The following FOCAD variants were observed in gnomAD, a reference collection of about 807,000 sequenced individuals.
FOCAD encodes the protein KIAA1797.
Under a neutral mutation model 225.6 loss-of-function variants are expected in FOCAD, and 198 were observed. That is an observed-to-expected ratio of 0.88 (90% CI 0.78 to 0.99). The LOEUF (loss-of-function observed/expected upper bound fraction) is 0.99, where lower values mean the gene tolerates loss of function less well. Among genes scored for constraint, FOCAD ranks in the 50% least tolerant of loss-of-function variants. The probability of loss-of-function intolerance (pLI) is 0.00; values close to 1 mark genes in which losing one functional copy is unlikely to be tolerated. For synonymous variants in FOCAD, 897 were observed against 755.0 expected (o/e 1.19, Z -3.08); for missense variants, 2,713 against 2,123.6 (o/e 1.28, Z -5.46).
Position 20,993,306 on chromosome 9 carries a change from A to T in FOCAD, c.5310A>T (p.Ala1770=), listed in dbSNP as rs760935674. The T allele has an allele frequency of 5.6e-6, 9 of 1,613,832 alleles. No individual in the cohort carries two copies. The highest frequency in any genetic ancestry group is 1.3e-5 in the African/African-American group (1 of 74,928). ...AAAGCCCTAAAGAAGCCCTCTCAGC[A>T]CAGTCCAGGGATCTTTTGAAAGGTA... ...IMESPKEALS[A]QSRDLLKATL... The change falls in exon 43 of 44, where the codon GCA becomes GCT. Residue 1770 remains alanine (A), a synonymous_variant. Coordinates refer to ENST00000338382, the MANE Select transcript of FOCAD (RefSeq NM_001375567.1).
intron 2 of FOCAD, among the ~76,000 whole-genome samples, chr9:20,674,416 CT>C (rs1244731715): frequency 6.6e-6 from 1 of 152,168 alleles, no homozygotes; most frequent in African/African-American, 2.4e-5. Flanking sequence ...AGCTTCTCCC[CT>C]ATCTCTTTCC....
rs147354784 is a variant in FOCAD, at chr9:20,732,082, T to A, written c.288-8154T>A. Among the ~76,000 whole-genome samples, 262 of 152,302 alleles carry A rather than the reference T, an allele frequency of 1.7e-3. 3 individuals carry two copies. In the East Asian group the frequency reaches 0.042, roughly 25 times the overall value. Reference sequence around the variant, plus strand: ...GGTATTAAGCCCAGCATGCATTAACTCTTTTCCCTAATGCTCTCCTGAGTA... The same window carrying A: ...GGTATTAAGCCCAGCATGCATTAACACTTTTCCCTAATGCTCTCCTGAGTA... On this transcript the variant is annotated intron_variant, in intron 4 of 43. Transcript: ENST00000338382.
chr9:20,740,427 G>A, intron 5 of FOCAD, 87 bp downstream of exon 5: 1 of 785,526 alleles, frequency 1.3e-6, no homozygotes, highest in Non-Finnish European at 2.1e-6. Context: ...GTAAGAATTA[G>A]TTATTTAATT....
At chr9:20,656,844 C>T (rs904162282), upstream of FOCAD, among the ~76,000 whole-genome samples, 15 of 152,174 alleles carry the variant, frequency 9.9e-5, no homozygotes, top group African/African-American at 2.9e-4. Flanking sequence ...TTATTCTGCT[C>T]GTTAGTTGAT....
rs768920262 is a variant in FOCAD at position 20,948,270 on chromosome 9, G to A, written c.3676-1G>A. The A allele has an allele frequency of 6.3e-7, 1 of 1,599,546 alleles. No homozygotes were observed. Among genetic ancestry groups the A allele is most frequent in the Non-Finnish European group, 8.5e-7 (1 of 1,173,288 alleles). On this transcript the variant is annotated splice_acceptor_variant, in intron 30 of 43. Coordinates refer to ENST00000338382, the MANE Select transcript of FOCAD (RefSeq NM_001375567.1). LOFTEE classifies it high-confidence loss of function. ...ACCCCATTTTTATTTATTTATATCA[G>A]ACTTCAGGTTTTGCCCTGGCTTTAG...
chr9:20,869,576 A>G (rs1462262274), intron 18 of FOCAD, among the ~76,000 whole-genome samples: 1 of 152,174 alleles, frequency 6.6e-6, no homozygotes, highest in Non-Finnish European at 1.5e-5. Context: ...CAGTACATTT[A>G]AGGTAATGTA....
At chr9:20,834,480 A>G (rs903218250) in intron 15 of FOCAD, among the ~76,000 whole-genome samples, 2 of 152,102 alleles carry the variant, frequency 1.3e-5, no homozygotes, top group Non-Finnish European at 2.9e-5. Flanking sequence ...AACAACTCGA[A>G]TAACCATTAT....
upstream of FOCAD, among the ~76,000 whole-genome samples, chr9:20,656,915 C>T (rs1412877820): frequency 6.6e-6 from 1 of 151,684 alleles, no homozygotes; most frequent in Admixed American, 6.6e-5. Context: ...GCGGCTGGTA[C>T]CGGTTGTTCC....
At position 20,933,957 on chromosome 9, in the gene FOCAD, A is replaced by G. The variant is rs1301678164; in HGVS notation, c.3407+854A>G. Among the ~76,000 whole-genome samples, 5 of 152,160 alleles carry G rather than the reference A, an allele frequency of 3.3e-5. 1 individual carries two copies. The highest frequency in any genetic ancestry group is 3.3e-4 in the Admixed American group (5 of 15,290). ...TTTGATTTGCATTTCTCTGATCATT[A>G]GTGATGTTGAGCATTTTTTTATACA... On this transcript the variant is annotated intron_variant, in intron 28 of 43. Transcript: ENST00000338382.
chr9:20,815,123 G>GTGTGTTTTTT (rs1564024181), intron 11 of FOCAD, among the ~76,000 whole-genome samples: 3 of 85,396 alleles, frequency 3.5e-5, no homozygotes, highest in Non-Finnish European at 2.2e-5. Flanking sequence ...ACTTCTCTTT[G>GTGTGTTTTTT]TTTTTTTTTT....
chr9:20,907,161 G>C lies in FOCAD; in HGVS notation c.2637G>C (p.Gln879His). The change falls in exon 22 of 44, where the codon CAG becomes CAC. Residue 879 changes from glutamine (Q) to histidine (H), a missense_variant. Coordinates refer to ENST00000338382, the MANE Select transcript of FOCAD (RefSeq NM_001375567.1). ...SLALVHEVHIQLSEWHRAIFL... is the reference protein window; with the variant it reads ...SLALVHEVHIHLSEWHRAIFL... ...CATTTTTCCCATAGGTTCATATCCA[G>C]CTTTCAGAGTGGCACCGTGCAATTT... is the stretch of plus-strand genomic sequence containing the variant. 6.2e-7 allele frequency: 1 copy of C among 1,612,838 alleles called. No individual in the cohort carries two copies. Among genetic ancestry groups the C allele is most frequent in the Non-Finnish European group, 8.5e-7 (1 of 1,179,286 alleles).
chr9:20,687,926 CT>C (rs1382771788), intron 1 of FOCAD, among the ~76,000 whole-genome samples: 2 of 152,134 alleles, frequency 1.3e-5, no homozygotes, highest in Admixed American at 1.3e-4. Flanking sequence ...GAATTTTCAT[CT>C]GAATTGAAGT....
At chr9:20,985,191 C>T (rs1165842683) in intron 39 of FOCAD, among the ~76,000 whole-genome samples, 1 of 152,204 alleles carries the variant, frequency 6.6e-6, no homozygotes, top group African/African-American at 2.4e-5. Context: ...TTAAATTCCA[C>T]AGGTCTGTTT....
chr9:20,920,854 C>T (rs1183920475), intron 24 of FOCAD, among the ~76,000 whole-genome samples: 2 of 150,860 alleles, frequency 1.3e-5, no homozygotes, highest in Non-Finnish European at 3.0e-5. Context: ...AGGAGATATA[C>T]CTAATGCTAA....
At chr9:20,926,783 CA>C (rs34902651) in intron 26 of FOCAD, among the ~76,000 whole-genome samples, 68 of 110,938 alleles carry the variant, frequency 6.1e-4, no homozygotes, top group African/African-American at 1.2e-3. Flanking sequence ...AACTGTGTCT[CA>C]AAAAAAAAAA....
intron 11 of FOCAD, among the ~76,000 whole-genome samples, chr9:20,793,123 A>G (rs970522961): frequency 6.6e-6 from 1 of 152,224 alleles, no homozygotes; most frequent in Non-Finnish European, 1.5e-5. Context: ...CAGAATGTAC[A>G]GTACTTTTAA....
chr9:20,829,309 C>T (rs902353392), intron 15 of FOCAD, among the ~76,000 whole-genome samples: 13 of 152,080 alleles, frequency 8.5e-5, no homozygotes, highest in African/African-American at 3.1e-4. Flanking sequence ...TATTTCTTGA[C>T]CTTTTAATAA....
intron 1 of FOCAD, among the ~76,000 whole-genome samples, chr9:20,688,449 G>T (rs770666743): frequency 1.3e-5 from 2 of 152,180 alleles, no homozygotes; most frequent in Non-Finnish European, 2.9e-5. Context: ...GGGAGAATAA[G>T]ATCAGTAGTC....
intron 8 of FOCAD, among the ~76,000 whole-genome samples, chr9:20,776,973 G>C (rs956042541): frequency 6.6e-6 from 1 of 152,152 alleles, no homozygotes; most frequent in African/African-American, 2.4e-5. Context: ...AAATAGATAA[G>C]AGTTGCTTCA....
Sources: gnomAD v4.1 joint callset for allele counts (sites outside exome capture counted in the v4.1 genomes callset) on GRCh38, gnomAD v4.1.1 for gene constraint, MANE v1.5 for transcripts, NCBI Gene and HGNC (gene_info 2026-07-23, HGNC 2026-07-21) for gene names.